Variants in ANTXR1 observed in about 807,000 individuals in gnomAD.
ANTXR1 encodes ANTXR cell adhesion molecule 1, also known as anthrax toxin receptor 1.
ANTXR1 carries 19 observed loss-of-function variants against 78.1 expected under a neutral mutation model. The observed-to-expected ratio is 0.24, with a 90% confidence interval of 0.17 to 0.36. The LOEUF (loss-of-function observed/expected upper bound fraction) is 0.36, where lower values mean the gene tolerates loss of function less well. Among genes scored for constraint, ANTXR1 ranks in the 10% least tolerant of loss-of-function variants. ANTXR1 has a pLI of 1.00. For missense variants in ANTXR1, 518 were observed against 718.6 expected (o/e 0.72, Z 3.19); for synonymous variants, 273 against 260.5 (o/e 1.05, Z -0.46).
At chr2:69,121,442 CTT>C (rs1672343576) in intron 10 of ANTXR1, among the ~76,000 whole-genome samples, 1 of 152,170 alleles carries the variant, frequency 6.6e-6, no homozygotes, top group African/African-American at 2.4e-5. Context: ...ACCTCCCTAA[CTT>C]TTCACCACTT....
intron 10 of ANTXR1, among the ~76,000 whole-genome samples, chr2:69,120,381 T>C (rs1375064301): frequency 6.6e-6 from 1 of 152,178 alleles, no homozygotes; most frequent in Non-Finnish European, 1.5e-5. Context: ...ATAATAATGC[T>C]TGGGCCGGGT....
At chr2:69,237,032 AGG>A (rs1675781971) in intron 17 of ANTXR1, among the ~76,000 whole-genome samples, 1 of 152,200 alleles carries the variant, frequency 6.6e-6, no homozygotes, top group African/African-American at 2.4e-5. Flanking sequence ...AGATGGAAAA[AGG>A]GGATTTTATC....
chr2:69,135,711 GA>G (rs1176798551), intron 12 of ANTXR1, among the ~76,000 whole-genome samples: 2 of 152,064 alleles, frequency 1.3e-5, no homozygotes, highest in African/African-American at 4.8e-5. Flanking sequence ...TGCACTTAAT[GA>G]CATATCCTCA....
At chr2:69,213,822 C>T (rs993497068) in intron 17 of ANTXR1, among the ~76,000 whole-genome samples, 1 of 152,284 alleles carries the variant, frequency 6.6e-6, no homozygotes, top group Non-Finnish European at 1.5e-5. Context: ...GCCTGGACGC[C>T]AGGAGGCCTG....
At chr2:69,239,008 C>G (rs1675837687) in intron 17 of ANTXR1, among the ~76,000 whole-genome samples, 1 of 152,200 alleles carries the variant, frequency 6.6e-6, no homozygotes, top group Admixed American at 6.5e-5. Context: ...GCCCACACCT[C>G]TTCTCACATC....
chr2:69,151,135 G>A (rs1168265076), intron 12 of ANTXR1, among the ~76,000 whole-genome samples: 2 of 131,728 alleles, frequency 1.5e-5, no homozygotes, highest in Non-Finnish European at 3.3e-5. Context: ...AACCATTTAT[G>A]TTTTCATTAT....
chr2:69,101,086 G>A (rs1106518), intron 9 of ANTXR1, among the ~76,000 whole-genome samples: 31,807 of 152,030 alleles, frequency 0.21, 3,619 homozygotes, highest in Non-Finnish European at 0.25. Context: ...TATTGTGAAG[G>A]CCTCTTATAC....
chr2:69,130,708 C>T (rs1388871821), intron 12 of ANTXR1, among the ~76,000 whole-genome samples: 2 of 152,158 alleles, frequency 1.3e-5, no homozygotes, highest in African/African-American at 2.4e-5. Flanking sequence ...ACCTAACTTT[C>T]CTTGCCAAGT....
chr2:69,127,377 C>A (rs1416143046), intron 12 of ANTXR1, among the ~76,000 whole-genome samples: 1 of 152,012 alleles, frequency 6.6e-6, no homozygotes, highest in Non-Finnish European at 1.5e-5. Flanking sequence ...GGCCAGCGAT[C>A]CTTGGTGTTC....
intron 16 of ANTXR1, among the ~76,000 whole-genome samples, chr2:69,187,585 CTTTT>C (rs58660678): frequency 2.1e-5 from 2 of 94,898 alleles, no homozygotes; most frequent in African/African-American, 4.6e-5. Flanking sequence ...TCATGTATTT[CTTTT>C]TTTTTTTTTT....
At chr2:69,174,890 C>T (rs757847602) in intron 14 of ANTXR1, among the ~76,000 whole-genome samples, 3 of 152,192 alleles carry the variant, frequency 2.0e-5, no homozygotes, top group African/African-American at 4.8e-5. Context: ...TTATGAACCC[C>T]TACCTTATAG....
intron 13 of ANTXR1, among the ~76,000 whole-genome samples, chr2:69,163,794 G>T (rs1447912377): frequency 6.6e-6 from 1 of 152,198 alleles, no homozygotes. Flanking sequence ...ACTACTGGTG[G>T]CTGGGCAGCA....
At chr2:69,043,565 G>A (rs375988662) in intron 2 of ANTXR1, among the ~76,000 whole-genome samples, 1 of 152,102 alleles carries the variant, frequency 6.6e-6, no homozygotes, top group African/African-American at 2.4e-5. Context: ...AATTCACCAG[G>A]TATTGCCTGA....
At chr2:69,116,563 G>A (rs534212873) in intron 10 of ANTXR1, among the ~76,000 whole-genome samples, 1 of 152,248 alleles carries the variant, frequency 6.6e-6, no homozygotes, top group South Asian at 2.1e-4. Flanking sequence ...GCTCTGGAAT[G>A]CCCTGAAAAT....
intron 2 of ANTXR1, 80 bp downstream of exon 2, chr2:69,040,195 T>G (rs1669573487): frequency 1.6e-6 from 2 of 1,263,362 alleles, no homozygotes; most frequent in Non-Finnish European, 2.3e-6. Context: ...TTCTATTAAT[T>G]ACTACATACT....
chr2:69,245,157 A>T, intron 17 of ANTXR1, 68 bp from the exon 18 acceptor site: 1 of 1,595,636 alleles, frequency 6.3e-7, no homozygotes, highest in Non-Finnish European at 8.6e-7. Context: ...CAAGCCGCCC[A>T]CCACAGCACC....
chr2:69,127,114 T>G (rs982793533), intron 12 of ANTXR1, among the ~76,000 whole-genome samples: 2 of 152,160 alleles, frequency 1.3e-5, no homozygotes, highest in Non-Finnish European at 2.9e-5. Flanking sequence ...GGGAAGACAA[T>G]GAGTTATAAA....
chr2:69,073,234 G>A (rs559562299), intron 6 of ANTXR1, 133 bp downstream of exon 6: 6 of 759,236 alleles, frequency 7.9e-6, no homozygotes, highest in African/African-American at 1.7e-5. Flanking sequence ...AGTTTCATAA[G>A]TAGAAATAAT....
intron 13 of ANTXR1, among the ~76,000 whole-genome samples, chr2:69,168,313 T>C (rs968980275): frequency 6.6e-6 from 1 of 152,244 alleles, no homozygotes; most frequent in African/African-American, 2.4e-5. Context: ...TGATCGCTCA[T>C]GATGACTCAG....
Sources: allele counts gnomAD v4.1 joint callset (sites outside exome capture counted in the v4.1 genomes callset), GRCh38; gene constraint gnomAD v4.1.1; transcripts MANE v1.5; gene names NCBI Gene and HGNC (gene_info 2026-07-23, HGNC 2026-07-21).